The following NEK9 variants were observed in gnomAD, a reference collection of about 807,000 sequenced individuals.
NEK9 encodes the protein NIMA related kinase 9.
A neutral mutation model predicts 123.4 loss-of-function variants in NEK9; 75 were observed. The ratio of observed to expected loss-of-function variants is 0.61; its 90% CI spans 0.50 to 0.74. The LOEUF is 0.74. Ranked by LOEUF, NEK9 falls within the 30% of genes least tolerant of loss-of-function variation. The pLI is 0.00. For synonymous variants in NEK9, 438 were observed against 458.7 expected, an observed-to-expected ratio of 0.95 and a Z score of 0.58; for missense variants, 952 against 1,214.4, an observed-to-expected ratio of 0.78 and a Z score of 3.21.
chr14:75,118,235 T>G (rs946713891), intron 5 of NEK9, among the ~76,000 whole-genome samples: 4 of 152,144 alleles, frequency 2.6e-5, no homozygotes, highest in African/African-American at 9.7e-5. Context: ...CAAAATCAGT[T>G]TTCAATTTCT....
intron 13 of NEK9, among the ~76,000 whole-genome samples, chr14:75,105,315 A>C (rs1049677402): frequency 6.6e-6 from 1 of 152,058 alleles, no homozygotes; most frequent in African/African-American, 2.4e-5. Context: ...GAAAGAAAAA[A>C]AAAAAAGAAA....
At position 75,088,628 on chromosome 14, in the gene NEK9, G is replaced by C; in HGVS notation, c.2456C>G (p.Ala819Gly). The change falls in exon 20 of 22, where the codon GCA becomes GGA. Residue 819 changes from alanine (A) to glycine (G), a missense_variant. By Grantham distance (60) the Ala-to-Gly change is moderately conservative. Transcript: ENST00000238616. ...GCTGTCAGGCATGGGGATAAATTCTGCATTTTCCAGCTCCTATGTATATGA... is the reference window on the plus strand; with the variant it reads ...GCTGTCAGGCATGGGGATAAATTCTCCATTTTCCAGCTCCTATGTATATGA... ...PGWLRKELEN[A>G]EFIPMPDSPS... 1.2e-6 allele frequency: 2 copies of C among 1,613,566 alleles called. No individual in the cohort carries two copies. The highest frequency in any genetic ancestry group is 1.7e-6 in the Non-Finnish European group (2 of 1,179,782).
At chr14:75,114,118 T>C (rs1895049953) in intron 7 of NEK9, 85 bp downstream of exon 7, 1 of 926,532 alleles carries the variant, frequency 1.1e-6, no homozygotes, top group Non-Finnish European at 1.7e-6. Context: ...TGTGGTTTTG[T>C]ATGGTTTATA....
Position 75,084,351 on chromosome 14 carries a change from C to T in NEK9, c.*213G>A, listed in dbSNP as rs564968866. Reference sequence around the variant, plus strand: ...ATGACAAAGCCAGGGCCATGGGGGCCCTTCCATTCTCCAAAACAATAAAAT... The same window carrying T: ...ATGACAAAGCCAGGGCCATGGGGGCTCTTCCATTCTCCAAAACAATAAAAT... On this transcript the variant is annotated 3_prime_UTR_variant, in exon 22 of 22. Coordinates refer to ENST00000238616, the MANE Select transcript of NEK9 (RefSeq NM_033116.6). 3.4e-6 allele frequency: 2 copies of T among 587,708 alleles called. No homozygotes were observed. Among genetic ancestry groups the T allele is most frequent in the African/African-American group, 1.8e-5 (1 of 54,276 alleles). 36.4% of individuals were successfully genotyped at this position (587,708 alleles called of 1,614,324 possible).
intron 14 of NEK9, among the ~76,000 whole-genome samples, chr14:75,102,253 C>T (rs1402584291): frequency 6.6e-6 from 1 of 151,872 alleles, no homozygotes; most frequent in East Asian, 1.9e-4. Flanking sequence ...AAAAAGAATC[C>T]TCTCATTTAA....
intron 13 of NEK9, among the ~76,000 whole-genome samples, chr14:75,104,636 C>T (rs950257146): frequency 1.3e-5 from 2 of 151,786 alleles, no homozygotes; most frequent in African/African-American, 4.8e-5. Flanking sequence ...GCGTGTGCCA[C>T]CATGCCCAGT....
Position 75,121,180 on chromosome 14 carries a change from A to G in NEK9, c.398-6T>C, listed in dbSNP as rs1212585789. 6.2e-7 allele frequency: 1 copy of G among 1,612,294 alleles called. No homozygotes were observed. The highest frequency in any genetic ancestry group is 8.5e-7 in the Non-Finnish European group (1 of 1,178,478). On this transcript the variant is annotated splice_region_variant and splice_polypyrimidine_tract_variant and intron_variant, in intron 2 of 21. Coordinates refer to ENST00000238616, the MANE Select transcript of NEK9 (RefSeq NM_033116.6). ...TTTGTCATACAGGTTCCCTCCTGCAATTAAACAAGACACAGATTTGAATTG... is the reference window on the plus strand; with the variant it reads ...TTTGTCATACAGGTTCCCTCCTGCAGTTAAACAAGACACAGATTTGAATTG...
At chr14:75,117,114 G>C (rs1049413034) in intron 6 of NEK9, 81 bp downstream of exon 6, 12 of 1,445,746 alleles carry the variant, frequency 8.3e-6, no homozygotes, top group Non-Finnish European at 1.1e-5. Flanking sequence ...TCAGAAGCCT[G>C]GGAATAGAGT....
In NEK9 at chr14:75,114,311, G is replaced by A. The variant is rs1379826813; in HGVS notation, c.765C>T (p.Asn255=). The A allele has an allele frequency of 5.0e-6, 8 of 1,611,866 alleles. No individual in the cohort carries two copies. The East Asian group carries it at 1.3e-4, about 27-fold the overall frequency. ...LTLKRTFDAT[N]PLNLCVKIVQ... ...CGATCTTCACACACAGGTTAAGTGG[G>A]TTCTATGAGAAAATGATGACTGCAT... is the stretch of plus-strand genomic sequence containing the variant. The change falls in exon 7 of 22, where the codon AAC becomes AAT. Residue 255 remains asparagine (N), a splice_region_variant and synonymous_variant. Transcript: ENST00000238616.
At chr14:75,101,589 C>T in intron 15 of NEK9, 68 bp downstream of exon 15, 6 of 1,072,264 alleles carry the variant, frequency 5.6e-6, no homozygotes, top group Non-Finnish European at 8.4e-6. Flanking sequence ...ATAAAGAAAA[C>T]CTAATACCTG....
chr14:75,084,413 C>T lies in NEK9; in HGVS notation c.*151G>A, dbSNP rs1044217672. 1 of 876,018 alleles carries T rather than the reference C, an allele frequency of 1.1e-6. No individual in the cohort carries two copies. The highest frequency in any genetic ancestry group is 1.7e-5 in the African/African-American group (1 of 59,428). 54.3% of individuals were successfully genotyped at this position (876,018 alleles called of 1,614,324 possible). On this transcript the variant is annotated 3_prime_UTR_variant, in exon 22 of 22. Transcript: ENST00000238616. ...CCTATCTAAAAGGCAATGCCACTCT[C>T]CAAATGTACAAGGAAAGTGCTTCAG...
intron 2 of NEK9, among the ~76,000 whole-genome samples, chr14:75,121,426 T>A (rs1895329888): frequency 6.6e-6 from 1 of 152,226 alleles, no homozygotes; most frequent in Non-Finnish European, 1.5e-5. Context: ...TTAGAAAAGA[T>A]GTGAGTAAAG....
chr14:75,120,120 G>A (rs181268089), intron 4 of NEK9, among the ~76,000 whole-genome samples: 4 of 152,298 alleles, frequency 2.6e-5, no homozygotes, highest in Admixed American at 2.6e-4. Flanking sequence ...AATATACAGA[G>A]TGAAGAGGCT....
chr14:75,094,171 G>T (rs1894306824), intron 18 of NEK9, among the ~76,000 whole-genome samples: 1 of 152,108 alleles, frequency 6.6e-6, no homozygotes, highest in African/African-American at 2.4e-5. Flanking sequence ...TATATAATAT[G>T]GTGTAATAAG....
intron 2 of NEK9, among the ~76,000 whole-genome samples, chr14:75,122,789 C>CTTTTTT (rs35799337): frequency 2.0e-4 from 16 of 80,128 alleles, no homozygotes; most frequent in East Asian, 3.2e-4. Flanking sequence ...CCACGCCCAG[C>CTTTTTT]TTTTTTTTTT....
chr14:75,126,633 G>A lies in NEK9; in HGVS notation c.219+70C>T. 7.3e-6 allele frequency: 9 copies of A among 1,231,624 alleles called. No homozygotes were observed. In the South Asian group the frequency reaches 1.1e-4, roughly 15 times the overall value. 76.3% of individuals were successfully genotyped at this position (1,231,624 alleles called of 1,614,324 possible). On this transcript the variant is annotated intron_variant, in intron 1 of 21. Coordinates refer to ENST00000238616, the MANE Select transcript of NEK9 (RefSeq NM_033116.6). ...CTAAGCTCACGACGCTGGGAAAGCGGGGCCGAGAAGGAGGGACTCGGGGCG... is the reference window on the plus strand; with the variant it reads ...CTAAGCTCACGACGCTGGGAAAGCGAGGCCGAGAAGGAGGGACTCGGGGCG...
In NEK9 at chr14:75,082,019, A is replaced by AT. The variant is rs1456740993; in HGVS notation, c.*2544dup. On this transcript the variant is annotated 3_prime_UTR_variant, in exon 22 of 22. Coordinates refer to ENST00000238616, the MANE Select transcript of NEK9 (RefSeq NM_033116.6). ...TTTCTGTTCCAAGAACATTATTTAT[A>AT]TAAAGACTCACAGAATCAAAGATTC... 1.3e-5 allele frequency: 2 copies of AT among 152,234 alleles called. No homozygotes were observed. Among genetic ancestry groups the AT allele is most frequent in the Non-Finnish European group, 2.9e-5 (2 of 68,038 alleles). The allele number at this position is 152,234 out of a possible 1,614,324, so 9.4% of individuals were successfully genotyped here.
chr14:75,111,847 C>T (rs970462040), intron 8 of NEK9, among the ~76,000 whole-genome samples: 14 of 151,974 alleles, frequency 9.2e-5, no homozygotes, highest in African/African-American at 2.9e-4. Context: ...GCTGAGACTA[C>T]GCCACTGCAC....
intron 9 of NEK9, 140 bp downstream of exon 9, chr14:75,110,181 G>A (rs1483205628): frequency 1.2e-5 from 8 of 669,126 alleles, no homozygotes; most frequent in Non-Finnish European, 1.8e-5. Context: ...TCTTAGAAAT[G>A]ACTGTCTGAC....
Sources: allele counts gnomAD v4.1 joint callset (sites outside exome capture counted in the v4.1 genomes callset), GRCh38; gene constraint gnomAD v4.1.1; transcripts MANE v1.5; gene names NCBI Gene and HGNC (gene_info 2026-07-23, HGNC 2026-07-21).